Variants in CTNNA3 observed in about 807,000 individuals in gnomAD.
The protein encoded by CTNNA3 is catenin alpha 3, also known as catenin alpha-3.
Under a neutral mutation model 95.7 loss-of-function variants are expected in CTNNA3, and 76 were observed. The ratio of observed to expected loss-of-function variants is 0.79; its 90% CI spans 0.66 to 0.96. The LOEUF (loss-of-function observed/expected upper bound fraction) is 0.96, where lower values mean the gene tolerates loss of function less well. Ranked by LOEUF, CTNNA3 falls within the 40% of genes least tolerant of loss-of-function variation. The pLI is 0.00. For missense variants in CTNNA3, 1,191 were observed against 1,089.8 expected (o/e 1.09, Z -1.31); for synonymous variants, 431 against 374.4 (o/e 1.15, Z -1.74).
intron 11 of CTNNA3, among the ~76,000 whole-genome samples, chr10:66,407,960 A>G (rs1339262390): frequency 2.6e-5 from 4 of 152,170 alleles, no homozygotes; most frequent in Non-Finnish European, 4.4e-5. Context: ...TCCTGGTATC[A>G]ATGCAGAGTT....
At chr10:66,252,165 T>C (rs569014728) in intron 13 of CTNNA3, among the ~76,000 whole-genome samples, 1 of 152,306 alleles carries the variant, frequency 6.6e-6, no homozygotes, top group South Asian at 2.1e-4. Context: ...ATTGCCCAAA[T>C]GTTTCTATGA....
rs34671813 is a variant in CTNNA3 at position 66,021,852 on chromosome 10, C to CTTTT, written c.2160-33059_2160-33056dup. Among the ~76,000 whole-genome samples the CTTTT allele has an allele frequency of 2.2e-3, 164 of 75,934 alleles. 30 individuals are homozygous for CTTTT. Among genetic ancestry groups the CTTTT allele is most frequent in the East Asian group, 4.4e-3 (7 of 1,590 alleles). 49.8% of individuals were successfully genotyped at this position (75,934 alleles called of 152,430 possible). A position where few individuals can be genotyped will look rare whatever the true frequency, so the allele number is the denominator to read the frequency against. ...GGAAATTCCATATACAGGATCTTGGCTTTTTTTTTTTTTTTTAGATAGATA... is the reference window on the plus strand; with the variant it reads ...GGAAATTCCATATACAGGATCTTGGCTTTTTTTTTTTTTTTTTTTTAGATAGATA... On this transcript the variant is annotated intron_variant, in intron 15 of 17. Transcript: ENST00000433211.
chr10:66,378,536 G>A (rs1403582906), intron 12 of CTNNA3, among the ~76,000 whole-genome samples: 2 of 152,134 alleles, frequency 1.3e-5, no homozygotes, highest in Non-Finnish European at 2.9e-5. Context: ...CTTGGAGAAA[G>A]GTTAACAATA....
chr10:67,725,728 C>G (rs1309010802), intron 1 of CTNNA3, among the ~76,000 whole-genome samples: 1 of 151,568 alleles, frequency 6.6e-6, no homozygotes, highest in Non-Finnish European at 1.5e-5. Flanking sequence ...ATGCCAAAAC[C>G]TATGTTCTAA....
rs536660866 is a variant in CTNNA3 at position 66,684,727 on chromosome 10, T to C, written c.1282-62943A>G. On this transcript the variant is annotated intron_variant, in intron 9 of 17. Coordinates refer to ENST00000433211, the MANE Select transcript of CTNNA3 (RefSeq NM_013266.4). ...GGAGGTCTTTCTCTCTTAGGAATGT[T>C]ACTTATAAACATTTCTTGGAAGTCC... Among the ~76,000 whole-genome samples, 10 of 152,266 alleles carry C rather than the reference T, an allele frequency of 6.6e-5. 1 individual carries two copies. The South Asian group carries it at 2.1e-3, about 32-fold the overall frequency.
chr10:66,430,558 C>T (rs1212485224), intron 11 of CTNNA3, among the ~76,000 whole-genome samples: 2 of 152,028 alleles, frequency 1.3e-5, no homozygotes, highest in Admixed American at 6.6e-5. Flanking sequence ...AACAGATATA[C>T]AGACCAATGG....
At chr10:67,255,695 C>A (rs760672838) in intron 5 of CTNNA3, among the ~76,000 whole-genome samples, 2 of 152,144 alleles carry the variant, frequency 1.3e-5, no homozygotes, top group African/African-American at 2.4e-5. Flanking sequence ...TATTTTAGCT[C>A]CAGAGCCCAT....
rs889873485 is a variant in CTNNA3, at chr10:67,365,316, C to A, written c.580-145446G>T. Among the ~76,000 whole-genome samples the A allele has an allele frequency of 4.0e-4, 61 of 152,240 alleles. No homozygotes were observed. The Middle Eastern group carries it at 0.014, about 34-fold the overall frequency. On this transcript the variant is annotated intron_variant, in intron 5 of 17. Coordinates refer to ENST00000433211, the MANE Select transcript of CTNNA3 (RefSeq NM_013266.4). ...ATACCATTCAGGACATAGGCATGGGCAAAGCCTTCATGACTAAAACACCAA... is the reference window on the plus strand; with the variant it reads ...ATACCATTCAGGACATAGGCATGGGAAAAGCCTTCATGACTAAAACACCAA...
chr10:66,714,185 A>G (rs577316746), intron 9 of CTNNA3, among the ~76,000 whole-genome samples: 6 of 152,112 alleles, frequency 3.9e-5, no homozygotes, highest in Non-Finnish European at 7.4e-5. Context: ...AACTTTTCCT[A>G]ATGGAGCTAG....
At chr10:67,340,688 G>C (rs2132612620) in intron 5 of CTNNA3, among the ~76,000 whole-genome samples, 1 of 152,282 alleles carries the variant, frequency 6.6e-6, no homozygotes, top group East Asian at 1.9e-4. Flanking sequence ...ACCTGCTACT[G>C]CTGTTTCCCC....
intron 11 of CTNNA3, among the ~76,000 whole-genome samples, chr10:66,483,726 G>C (rs1839624040): frequency 6.6e-6 from 1 of 152,106 alleles, no homozygotes; most frequent in Non-Finnish European, 1.5e-5. Context: ...TTATAGATCA[G>C]GAATATGTTA....
intron 5 of CTNNA3, among the ~76,000 whole-genome samples, chr10:67,333,340 T>C (rs74142483): frequency 0.018 from 2,720 of 152,262 alleles, 86 homozygotes; most frequent in African/African-American, 0.06. Context: ...CCAATGCAGC[T>C]TTTTTCTCTA....
intron 9 of CTNNA3, among the ~76,000 whole-genome samples, chr10:66,754,331 A>T (rs555345072): frequency 6.6e-6 from 1 of 152,284 alleles, no homozygotes; most frequent in Admixed American, 6.5e-5. Flanking sequence ...ATGAAATTGG[A>T]CTCTTACCTA....
At chr10:66,065,298 C>CTTTT (rs2080291931) in intron 15 of CTNNA3, among the ~76,000 whole-genome samples, 3 of 150,904 alleles carry the variant, frequency 2.0e-5, no homozygotes, top group African/African-American at 7.3e-5. Flanking sequence ...TTGGCTATAG[C>CTTTT]TTTTTATTCC....
intron 5 of CTNNA3, among the ~76,000 whole-genome samples, chr10:67,441,264 CAA>C (rs760690984): frequency 1.6e-3 from 159 of 97,638 alleles, no homozygotes; most frequent in African/African-American, 5.5e-3. Flanking sequence ...TGAGAGAAGA[CAA>C]AAAAAAAAAA....
chr10:67,484,056 T>A (rs1043773720), intron 5 of CTNNA3, among the ~76,000 whole-genome samples: 1 of 152,154 alleles, frequency 6.6e-6, no homozygotes, highest in Non-Finnish European at 1.5e-5. Context: ...GCCAGAGGCA[T>A]CACATTACCC....
intron 13 of CTNNA3, among the ~76,000 whole-genome samples, chr10:66,219,320 A>G (rs1019754095): frequency 1.3e-5 from 2 of 152,156 alleles, no homozygotes; most frequent in Admixed American, 6.5e-5. Context: ...TGTAGCATCC[A>G]GGCCCCAAAA....
At chr10:66,991,060 C>A (rs1012256629) in intron 7 of CTNNA3, among the ~76,000 whole-genome samples, 4 of 152,092 alleles carry the variant, frequency 2.6e-5, no homozygotes, top group Admixed American at 6.6e-5. Context: ...TTACAAGACA[C>A]GCTGCAGAAG....
chr10:67,137,358 T>C (rs1315594763), intron 7 of CTNNA3, among the ~76,000 whole-genome samples: 1 of 152,196 alleles, frequency 6.6e-6, no homozygotes, highest in Admixed American at 6.5e-5. Context: ...GTTCCGCAAA[T>C]AGATTGAGCC....
Sources: gnomAD v4.1 joint callset for allele counts (sites outside exome capture counted in the v4.1 genomes callset) on GRCh38, gnomAD v4.1.1 for gene constraint, MANE v1.5 for transcripts, NCBI Gene and HGNC (gene_info 2026-07-23, HGNC 2026-07-21) for gene names.